Variants in CAPN5 observed in about 807,000 individuals in gnomAD.
CAPN5 encodes the protein calpain-5.
CAPN5 carries 54 observed loss-of-function variants against 73.0 expected under a neutral mutation model. The observed-to-expected ratio is 0.74, with a 90% confidence interval of 0.59 to 0.93. The LOEUF (loss-of-function observed/expected upper bound fraction) is 0.93. Ranked by LOEUF, CAPN5 falls within the 40% of genes least tolerant of loss-of-function variation. The pLI, the probability that CAPN5 is intolerant of heterozygous loss-of-function variation, is 0.00. For missense variants in CAPN5, 785 were observed against 882.9 expected, an observed-to-expected ratio of 0.89 and a Z score of 1.41; for synonymous variants, 335 against 356.9, an observed-to-expected ratio of 0.94 and a Z score of 0.69.
chr11:77,114,077 C>G (rs1176304848), intron 4 of CAPN5, among the ~76,000 whole-genome samples, 165 bp from the exon 5 acceptor site: 1 of 151,930 alleles, frequency 6.6e-6, no homozygotes, highest in African/African-American at 2.4e-5. Context: ...ATATGTTGGC[C>G]CGAGTGTTAA....
intron 3 of CAPN5, chr11:77,102,870 C>G (rs1555039114): frequency 6.2e-7 from 1 of 1,608,082 alleles, no homozygotes; most frequent in Non-Finnish European, 8.5e-7. Flanking sequence ...GCAGCCGCAG[C>G]TGGACATGCC....
chr11:77,088,511 G>A (rs1036980895), intron 2 of CAPN5, among the ~76,000 whole-genome samples: 1 of 152,096 alleles, frequency 6.6e-6, no homozygotes, highest in East Asian at 1.9e-4. Flanking sequence ...TGGAGGAGAA[G>A]GAGGTAGGGC....
At position 77,120,405 on chromosome 11, in the gene CAPN5, AG is replaced by A. The variant is rs1404864353; in HGVS notation, c.1291-307del. On this transcript the variant is annotated intron_variant, in intron 9 of 12. Transcript: ENST00000648180. ...CAGAGCATGCAATTCAGCCATGTAA[AG>A]TATACAATCTAATGACTTTTGTGTG... 5 of 292,316 alleles carry A rather than the reference AG, an allele frequency of 1.7e-5. No individual in the cohort carries two copies. In the East Asian group the frequency reaches 2.9e-4, roughly 17 times the overall value. 18.1% of individuals were successfully genotyped at this position (292,316 alleles called of 1,614,324 possible).
chr11:77,103,998 G>A (rs368745576), intron 3 of CAPN5, among the ~76,000 whole-genome samples: 1 of 152,196 alleles, frequency 6.6e-6, no homozygotes, highest in African/African-American at 2.4e-5. Flanking sequence ...AGGTTACACA[G>A]AGATCTGTCT....
intron 3 of CAPN5, 66 bp downstream of exon 3, chr11:77,093,879 CAG>C: frequency 6.4e-7 from 1 of 1,574,266 alleles, no homozygotes. Context: ...CCCTCACTGC[CAG>C]ACAGGCGGAA....
chr11:77,083,465 T>G (rs557407391), intron 1 of CAPN5, among the ~76,000 whole-genome samples: 2 of 152,274 alleles, frequency 1.3e-5, no homozygotes, highest in Non-Finnish European at 2.9e-5. Context: ...AGTCAGAGGA[T>G]CTGGGTTCCC....
At chr11:77,083,106 G>A (rs188849577) in intron 1 of CAPN5, among the ~76,000 whole-genome samples, 58 of 152,300 alleles carry the variant, frequency 3.8e-4, no homozygotes, top group Admixed American at 1.2e-3. Flanking sequence ...GCTGGCCTCC[G>A]TGGGCAGAGG....
intron 1 of CAPN5, among the ~76,000 whole-genome samples, chr11:77,082,539 T>C (rs528072531): frequency 6.6e-6 from 1 of 152,100 alleles, no homozygotes; most frequent in East Asian, 1.9e-4. Flanking sequence ...AGATGGAGGG[T>C]GCAGAGGGGC....
chr11:77,082,958 G>A (rs1208027576), intron 1 of CAPN5, among the ~76,000 whole-genome samples: 1 of 152,192 alleles, frequency 6.6e-6, no homozygotes, highest in African/African-American at 2.4e-5. Flanking sequence ...AACTGACCCT[G>A]CCGGAAACCC....
intron 3 of CAPN5, among the ~76,000 whole-genome samples, chr11:77,111,410 C>T (rs993357701): frequency 7.9e-5 from 12 of 152,052 alleles, no homozygotes; most frequent in Admixed American, 2.0e-4. Flanking sequence ...TGACCCTGGA[C>T]GAGTTACGTG....
rs1437211809 is a variant in CAPN5, at chr11:77,124,179, G to A, written c.*309G>A. 3.0e-6 allele frequency: 1 copy of A among 334,720 alleles called. No homozygotes were observed. Among genetic ancestry groups the A allele is most frequent in the African/African-American group, 2.1e-5 (1 of 48,112 alleles). The allele number at this position is 334,720 out of a possible 1,614,324, so 20.7% of individuals were successfully genotyped here. A position where few individuals can be genotyped will look rare whatever the true frequency, so the allele number is the denominator to read the frequency against. On this transcript the variant is annotated 3_prime_UTR_variant, in exon 13 of 13. Coordinates refer to ENST00000648180, the MANE Select transcript of CAPN5 (RefSeq NM_004055.5). ...CTAAGGCCCTGCTGTCTGCCGAGGA[G>A]CGCCAAGAAGATGTCACTTGTTTAC... is the stretch of plus-strand genomic sequence containing the variant.
In CAPN5 at chr11:77,084,940, G is replaced by A; in HGVS notation, c.54G>A (p.Arg18=). The change falls in exon 2 of 13, where the codon CGG becomes CGA. Residue 18 remains arginine, a synonymous_variant. Transcript: ENST00000648180. ...YEDQNYSALR[R]DCRRRKVLFE... ...ACCAGAACTACTCAGCCCTGAGGCGGGACTGCCGGCGCAGGAAGGTGCTCT... is the reference window on the plus strand; with the variant it reads ...ACCAGAACTACTCAGCCCTGAGGCGAGACTGCCGGCGCAGGAAGGTGCTCT... The A allele has an allele frequency of 6.2e-7, 1 of 1,613,970 alleles. No homozygotes were observed. The highest frequency in any genetic ancestry group is 1.3e-5 in the African/African-American group (1 of 75,062).
chr11:77,092,793 C>G lies in CAPN5; in HGVS notation c.166-889C>G, dbSNP rs553923534. On this transcript the variant is annotated intron_variant, in intron 2 of 12. Transcript: ENST00000648180. ...ACCAGCCTGGCCAACATGGAGAAAC[C>G]CTGTCTCTACTAAAAATATAAAAAT... Among the ~76,000 whole-genome samples the G allele has an allele frequency of 1.8e-4, 28 of 152,288 alleles. No individual in the cohort carries two copies. The East Asian group carries it at 4.4e-3, about 24-fold the overall frequency.
At position 77,123,859 on chromosome 11, in the gene CAPN5, A is replaced by G. The variant is rs143402616; in HGVS notation, c.1912A>G (p.Met638Val). 164 of 1,612,992 alleles carry G rather than the reference A, an allele frequency of 1.0e-4. No homozygotes were observed. In the African/African-American group the frequency reaches 1.8e-3, roughly 18 times the overall value. Residue 638 changes from methionine to valine, a missense_variant, in exon 13 of 13, where the codon ATG becomes GTG. By Grantham distance (21) the Met-to-Val change is conservative. Coordinates refer to ENST00000648180, the MANE Select transcript of CAPN5 (RefSeq NM_004055.5). ...AVHILSSTSLMAV is the reference protein window; with the variant it reads ...AVHILSSTSLVAV ...GCACATTCTCAGCAGCACCTCCCTC[A>G]TGGCTGTCTGACACCTGCCCACCTA... is the stretch of plus-strand genomic sequence containing the variant.
At chr11:77,089,150 T>C (rs1950122796) in intron 2 of CAPN5, among the ~76,000 whole-genome samples, 1 of 152,104 alleles carries the variant, frequency 6.6e-6, no homozygotes, top group Non-Finnish European at 1.5e-5. Context: ...TAAGGAAACC[T>C]AGAGAGTGTG....
chr11:77,078,784 G>A (rs1949999104), intron 1 of CAPN5, among the ~76,000 whole-genome samples: 1 of 127,616 alleles, frequency 7.8e-6, no homozygotes, highest in Non-Finnish European at 1.9e-5. Flanking sequence ...CAGTGTACAA[G>A]TCTTTTACCT....
intron 2 of CAPN5, chr11:77,088,097 C>T (rs1216868753): frequency 3.3e-6 from 5 of 1,509,230 alleles, no homozygotes; most frequent in Non-Finnish European, 4.4e-6. Context: ...GGGGCAACAT[C>T]CCCTCATCCA....
chr11:77,108,863 T>G (rs1436291729), intron 3 of CAPN5, among the ~76,000 whole-genome samples: 2 of 152,198 alleles, frequency 1.3e-5, no homozygotes, highest in African/African-American at 4.8e-5. Context: ...TTGAATGAGA[T>G]CCAAACAGAA....
intron 11 of CAPN5, 66 bp from the exon 12 acceptor site, chr11:77,122,510 G>A: frequency 7.4e-7 from 1 of 1,350,488 alleles, no homozygotes. Context: ...CTCACCTGTA[G>A]ATATCTGTGG....
Sources: gnomAD v4.1 joint callset for allele counts (sites outside exome capture counted in the v4.1 genomes callset) on GRCh38, gnomAD v4.1.1 for gene constraint, MANE v1.5 for transcripts, NCBI Gene and HGNC (gene_info 2026-07-23, HGNC 2026-07-21) for gene names.